The following STMN2 variants were observed in gnomAD, a reference collection of about 807,000 sequenced individuals.
STMN2 encodes stathmin 2.
In STMN2, 2 loss-of-function variants were observed where a neutral mutation model predicts 24.1. That is an observed-to-expected ratio of 0.08 (90% confidence interval 0.03 to 0.26). The LOEUF (loss-of-function observed/expected upper bound fraction) is 0.26, where lower values mean the gene tolerates loss of function less well. STMN2 is among the 10% of genes least tolerant of loss of function. The pLI is 1.00. For synonymous variants in STMN2, 83 were observed against 77.5 expected, an observed-to-expected ratio of 1.07 and a Z score of -0.37; for missense variants, 114 against 213.6, an observed-to-expected ratio of 0.53 and a Z score of 2.91.
chr8:79,642,080 C>T (rs957249323), intron 3 of STMN2, among the ~76,000 whole-genome samples: 2 of 152,138 alleles, frequency 1.3e-5, no homozygotes, highest in Non-Finnish European at 2.9e-5. Flanking sequence ...AGAGCTTGCC[C>T]CTTTCCTCTT....
intron 4 of STMN2, among the ~76,000 whole-genome samples, chr8:79,657,284 G>T (rs1806398115): frequency 6.6e-6 from 1 of 151,994 alleles, no homozygotes; most frequent in African/African-American, 2.4e-5. Flanking sequence ...TCCTCTGTGT[G>T]TTTTTTTCTC....
intron 3 of STMN2, among the ~76,000 whole-genome samples, chr8:79,652,462 G>A (rs749188993): frequency 2.6e-5 from 4 of 152,138 alleles, no homozygotes; most frequent in Non-Finnish European, 5.9e-5. Flanking sequence ...AGATGAGGGA[G>A]TTAGGAAGGA....
chr8:79,635,526 T>C (rs771873643), intron 1 of STMN2, among the ~76,000 whole-genome samples: 6 of 152,326 alleles, frequency 3.9e-5, no homozygotes, highest in Non-Finnish European at 5.9e-5. Context: ...CTATGGCAGA[T>C]TGGATAAAGA....
At chr8:79,658,745 CA>C (rs1414540956) in intron 4 of STMN2, among the ~76,000 whole-genome samples, 1 of 152,322 alleles carries the variant, frequency 6.6e-6, no homozygotes, top group African/African-American at 2.4e-5. Context: ...AGCATATTTT[CA>C]CCATGATGCC....
At chr8:79,634,428 T>G (rs562673936) in intron 1 of STMN2, among the ~76,000 whole-genome samples, 1 of 152,332 alleles carries the variant, frequency 6.6e-6, no homozygotes, top group East Asian at 1.9e-4. Flanking sequence ...CAGGACAACA[T>G]GTATTGCTTA....
intron 2 of STMN2, among the ~76,000 whole-genome samples, chr8:79,638,156 T>C (rs1217121063): frequency 1.3e-5 from 2 of 152,214 alleles, no homozygotes; most frequent in Admixed American, 1.3e-4. Flanking sequence ...GAACTATGGG[T>C]TGTCACTGAG....
intron 1 of STMN2, among the ~76,000 whole-genome samples, chr8:79,623,190 G>A (rs1273831570): frequency 6.6e-6 from 1 of 152,148 alleles, no homozygotes; most frequent in Non-Finnish European, 1.5e-5. Context: ...TGATGAAAAG[G>A]ATATGGATAC....
chr8:79,652,490 C>G (rs945299538), intron 3 of STMN2, among the ~76,000 whole-genome samples: 7 of 152,124 alleles, frequency 4.6e-5, no homozygotes, highest in Non-Finnish European at 1.0e-4. Context: ...TCTCATCAAC[C>G]ATCAGGATCC....
chr8:79,652,236 G>A (rs1336736650), intron 3 of STMN2, among the ~76,000 whole-genome samples: 1 of 152,188 alleles, frequency 6.6e-6, no homozygotes, highest in Non-Finnish European at 1.5e-5. Context: ...GAAACCTAGG[G>A]CTCTAACCCA....
At chr8:79,641,112 T>A (rs1404324973) in intron 2 of STMN2, among the ~76,000 whole-genome samples, 2 of 152,232 alleles carry the variant, frequency 1.3e-5, no homozygotes, top group African/African-American at 4.8e-5. Flanking sequence ...TATCTAAGTA[T>A]GCTTACCGTT....
chr8:79,655,091 G>GATATATTCAT (rs775422153), intron 4 of STMN2, 29 bp downstream of exon 4: 1 of 1,608,462 alleles, frequency 6.2e-7, no homozygotes, highest in Non-Finnish European at 8.5e-7. Flanking sequence ...TGAGCAGATG[G>GATATATTCAT]ATATATTCAT....
At chr8:79,660,584 A>G (rs1253540287) in intron 4 of STMN2, among the ~76,000 whole-genome samples, 1 of 152,240 alleles carries the variant, frequency 6.6e-6, no homozygotes, top group Non-Finnish European at 1.5e-5. Context: ...ACTTAAAATG[A>G]TAAAAATATT....
At chr8:79,660,899 AG>A (rs1428465099) in intron 4 of STMN2, among the ~76,000 whole-genome samples, 1 of 151,320 alleles carries the variant, frequency 6.6e-6, no homozygotes, top group Non-Finnish European at 1.5e-5. Flanking sequence ...AACATATGAT[AG>A]TTAGTGCTCA....
At chr8:79,613,861 T>A in intron 1 of STMN2, 9 of 981,604 alleles carry the variant, frequency 9.2e-6, no homozygotes, top group Non-Finnish European at 1.1e-5. Context: ...CATGTGCAAG[T>A]GCTTGCTAAG....
intron 3 of STMN2, among the ~76,000 whole-genome samples, chr8:79,643,313 G>A (rs1187581620): frequency 6.6e-6 from 1 of 150,584 alleles, no homozygotes; most frequent in Non-Finnish European, 1.5e-5. Flanking sequence ...TATTCTCATA[G>A]TAAAGCTAAA....
chr8:79,643,165 AT>A (rs1356600284), intron 3 of STMN2, among the ~76,000 whole-genome samples: 2 of 146,368 alleles, frequency 1.4e-5, no homozygotes, highest in East Asian at 3.9e-4. Flanking sequence ...ATATATATAT[AT>A]ATAAAATACT....
At chr8:79,630,397 T>C (rs1254074135) in intron 1 of STMN2, among the ~76,000 whole-genome samples, 1 of 152,156 alleles carries the variant, frequency 6.6e-6, no homozygotes, top group Non-Finnish European at 1.5e-5. Context: ...TCAGGCTAAA[T>C]TCAAAAACAC....
At chr8:79,623,700 A>C (rs1475469056) in intron 1 of STMN2, among the ~76,000 whole-genome samples, 1 of 152,222 alleles carries the variant, frequency 6.6e-6, no homozygotes, top group Non-Finnish European at 1.5e-5. Context: ...ACAAACAAGG[A>C]GCTTTATATG....
chr8:79,611,175 C>A lies in STMN2; in HGVS notation c.-21C>A. ...CGGACCCTTTGCCTTCGCCACTGCT[C>A]AGCGTCTGCACATCCCTACAATGGC... On this transcript the variant is annotated 5_prime_UTR_variant, in exon 1 of 5. Transcript: ENST00000220876. 2 of 1,614,060 alleles carry A rather than the reference C, an allele frequency of 1.2e-6. No homozygotes were observed. The highest frequency in any genetic ancestry group is 1.3e-5 in the African/African-American group (1 of 75,058).
Sources: gnomAD v4.1 joint callset for allele counts (sites outside exome capture counted in the v4.1 genomes callset) on GRCh38, gnomAD v4.1.1 for gene constraint, MANE v1.5 for transcripts, NCBI Gene and HGNC (gene_info 2026-07-23, HGNC 2026-07-21) for gene names.